DOCK10: variants seen among roughly 807,000 people sequenced by gnomAD.
DOCK10 encodes dedicator of cytokinesis 10.
In DOCK10, 145 loss-of-function variants were observed where a neutral mutation model predicts 280.1. The ratio of observed to expected loss-of-function variants is 0.52; its 90% confidence interval spans 0.45 to 0.59. The LOEUF is 0.59. Among genes scored for constraint, DOCK10 ranks in the 20% least tolerant of loss-of-function variants. DOCK10 has a pLI of 0.00. For synonymous variants in DOCK10, 915 were observed against 942.2 expected, an observed-to-expected ratio of 0.97 and a Z score of 0.53; for missense variants, 2,368 against 2,651.7, an observed-to-expected ratio of 0.89 and a Z score of 2.35.
rs1158404171 is a variant in DOCK10, at chr2:224,885,763, T to A, written c.655A>T (p.Asn219Tyr). 1 of 1,613,556 alleles carries A rather than the reference T, an allele frequency of 6.2e-7. No homozygotes were observed. Among genetic ancestry groups the A allele is most frequent in the Non-Finnish European group, 8.5e-7 (1 of 1,179,834 alleles). ...TTGTAAAAGTTCATAATGTAGGAGT[T>A]ATCTGGTAACTGAGTCAGCTGGAAG... ...RYFQLTQLPD[N>Y]SYIMNFYKDE... The change falls in exon 7 of 56, where the codon AAC becomes TAC. Residue 219 changes from asparagine to tyrosine, a missense_variant. Asn to Tyr is a moderately radical substitution (Grantham distance 143). Transcript: ENST00000258390.
At chr2:224,886,963 ATGT>A (rs1178249286) in intron 4 of DOCK10, among the ~76,000 whole-genome samples, 2 of 148,670 alleles carry the variant, frequency 1.3e-5, no homozygotes, top group African/African-American at 5.1e-5. Context: ...GGGTTTTGTG[ATGT>A]TGGTCAGGCT....
intron 29 of DOCK10, among the ~76,000 whole-genome samples, chr2:224,818,080 G>A (rs72970970): frequency 6.6e-6 from 1 of 152,248 alleles, no homozygotes; most frequent in East Asian, 1.9e-4. Context: ...AGCAGTGTTG[G>A]GGGGAGAAAA....
At chr2:224,834,687 C>T (rs958848070) in intron 25 of DOCK10, among the ~76,000 whole-genome samples, 5 of 152,260 alleles carry the variant, frequency 3.3e-5, no homozygotes, top group South Asian at 2.1e-4. Context: ...GATGCCAGTA[C>T]GTGAGCTCCC....
chr2:224,997,027 T>C (rs938277591), intron 1 of DOCK10, among the ~76,000 whole-genome samples: 1 of 152,210 alleles, frequency 6.6e-6, no homozygotes, highest in Admixed American at 6.5e-5. Context: ...TACCTCAGTA[T>C]TCATGTAACT....
intron 3 of DOCK10, among the ~76,000 whole-genome samples, chr2:224,914,175 C>G (rs1020370850): frequency 6.6e-6 from 1 of 152,138 alleles, no homozygotes; most frequent in Non-Finnish European, 1.5e-5. Flanking sequence ...CCACTCTTCC[C>G]CAGAGACTTT....
intron 30 of DOCK10, among the ~76,000 whole-genome samples, chr2:224,815,601 A>G (rs1328480547): frequency 6.6e-6 from 1 of 152,138 alleles, no homozygotes; most frequent in Non-Finnish European, 1.5e-5. Flanking sequence ...TATAGATTAT[A>G]TTTAAGATTA....
Position 224,846,805 on chromosome 2 carries a change from GCTAA to G in DOCK10, c.2236-1167_2236-1164del, listed in dbSNP as rs568610191. Among the ~76,000 whole-genome samples the G allele has an allele frequency of 1.1e-4, 17 of 152,226 alleles. 1 individual carries two copies. The South Asian group carries it at 3.3e-3, about 30-fold the overall frequency. On this transcript the variant is annotated intron_variant, in intron 19 of 55. Coordinates refer to ENST00000258390, the MANE Select transcript of DOCK10 (RefSeq NM_014689.3). ...CCACTGTGGCTGGCCATGACCTCTG[GCTAA>G]CTTTTTGATTTTTGTTGTTGTTCTT...
rs2125662909 is a variant in DOCK10 at position 224,870,713 on chromosome 2, C to A, written c.1257+3283G>T. ...TATTTTATTTGGTTCCTGGCCCCTTCTCTATGGTCATAGATATTTTTAGAT... is the reference window on the plus strand; with the variant it reads ...TATTTTATTTGGTTCCTGGCCCCTTATCTATGGTCATAGATATTTTTAGAT... On this transcript the variant is annotated intron_variant, in intron 11 of 55. Transcript: ENST00000258390. Among the ~76,000 whole-genome samples, 2 of 151,128 alleles carry A rather than the reference C, an allele frequency of 1.3e-5. 1 individual carries two copies. The highest frequency in any genetic ancestry group is 4.2e-4 in the South Asian group (2 of 4,790).
rs558344653 is a variant in DOCK10, at chr2:224,793,929, G to C, written c.5155-472C>G. Among the ~76,000 whole-genome samples, 6 of 152,232 alleles carry C rather than the reference G, an allele frequency of 3.9e-5. No homozygotes were observed. The South Asian group carries it at 1.2e-3, about 32-fold the overall frequency. ...TCACGAGTACTTGATTGACTAGTGT[G>C]ACACAATGTAACACCCGTGCTCCCC... On this transcript the variant is annotated intron_variant, in intron 45 of 55. Transcript: ENST00000258390.
intron 1 of DOCK10, among the ~76,000 whole-genome samples, chr2:225,018,114 CACTT>C (rs1337275398): frequency 6.6e-6 from 1 of 152,192 alleles, no homozygotes; most frequent in Non-Finnish European, 1.5e-5. Context: ...TGTGACGACT[CACTT>C]TGCGAATGCA....
intron 18 of DOCK10, among the ~76,000 whole-genome samples, chr2:224,851,290 C>T (rs1696712672): frequency 6.6e-6 from 1 of 152,080 alleles, no homozygotes; most frequent in African/African-American, 2.4e-5. Context: ...CTAGAATTTT[C>T]CTCACAAAAA....
At chr2:224,975,936 T>G (rs1705412160) in intron 1 of DOCK10, among the ~76,000 whole-genome samples, 1 of 152,160 alleles carries the variant, frequency 6.6e-6, no homozygotes, top group African/African-American at 2.4e-5. Flanking sequence ...CACCTTTTTT[T>G]GGGTGTGGAA....
chr2:224,943,568 TTTC>T (rs1052922944), intron 1 of DOCK10, among the ~76,000 whole-genome samples: 11 of 152,146 alleles, frequency 7.2e-5, no homozygotes, highest in African/African-American at 1.9e-4. Context: ...CGATCACTTT[TTTC>T]TTCTTTCACT....
At chr2:224,916,824 A>C in intron 2 of DOCK10, 40 bp from the exon 3 acceptor site, 1 of 1,502,778 alleles carries the variant, frequency 6.7e-7, no homozygotes, top group Non-Finnish European at 9.1e-7. Flanking sequence ...CCTCCGGCTT[A>C]GAAGTGTCGA....
At chr2:224,959,841 G>T (rs1704263078) in intron 1 of DOCK10, among the ~76,000 whole-genome samples, 1 of 152,118 alleles carries the variant, frequency 6.6e-6, no homozygotes, top group Admixed American at 6.5e-5. Context: ...GTCCCCCTCT[G>T]CTCTTTGGGT....
chr2:224,815,662 C>CT (rs1694081715), intron 30 of DOCK10, among the ~76,000 whole-genome samples: 1 of 151,976 alleles, frequency 6.6e-6, no homozygotes, highest in Non-Finnish European at 1.5e-5. Context: ...CTCCAGAATA[C>CT]TAGTGTAAGC....
At chr2:224,973,113 A>G (rs930871152) in intron 1 of DOCK10, among the ~76,000 whole-genome samples, 3 of 152,216 alleles carry the variant, frequency 2.0e-5, no homozygotes, top group East Asian at 3.8e-4. Context: ...CAATAAGACA[A>G]TATACACAAT....
In DOCK10 at chr2:224,877,853, GGTT is replaced by G. The variant is rs1484327889; in HGVS notation, c.748-1635_748-1633del. Among the ~76,000 whole-genome samples, 6 of 152,178 alleles carry G rather than the reference GGTT, an allele frequency of 3.9e-5. No homozygotes were observed. The East Asian group carries it at 1.2e-3, about 29-fold the overall frequency. On this transcript the variant is annotated intron_variant, in intron 7 of 55. Coordinates refer to ENST00000258390, the MANE Select transcript of DOCK10 (RefSeq NM_014689.3). ...ACAAACTAGTGTTATTTAAGGGGGT[GGTT>G]GTTGGAAAGATTACTGAAGATACTT...
chr2:224,944,839 T>A (rs1490903128), intron 1 of DOCK10, among the ~76,000 whole-genome samples: 2 of 152,190 alleles, frequency 1.3e-5, no homozygotes, highest in Non-Finnish European at 2.9e-5. Context: ...AGCACGGACA[T>A]CCCCAGTGCC....
Sources: gnomAD v4.1 joint callset for allele counts (sites outside exome capture counted in the v4.1 genomes callset) on GRCh38, gnomAD v4.1.1 for gene constraint, MANE v1.5 for transcripts, NCBI Gene and HGNC (gene_info 2026-07-23, HGNC 2026-07-21) for gene names.